The following ERC2 variants were observed in gnomAD, a reference collection of about 807,000 sequenced individuals.
ERC2 encodes the protein ERC protein 2.
A neutral mutation model predicts 114.8 loss-of-function variants in ERC2; 42 were observed. That is an observed-to-expected ratio of 0.37 (90% CI 0.29 to 0.47). ERC2 has a LOEUF of 0.47. Among genes scored for constraint, ERC2 ranks in the 20% least tolerant of loss-of-function variants. The probability of loss-of-function intolerance (pLI) is 0.99; values close to 1 mark genes in which losing one functional copy is unlikely to be tolerated. For synonymous variants in ERC2, 454 were observed against 425.5 expected (o/e 1.07, Z -0.82); for missense variants, 939 against 1,150.7 (o/e 0.82, Z 2.66).
chr3:56,405,720 C>G (rs954372132), intron 2 of ERC2, among the ~76,000 whole-genome samples: 1 of 151,982 alleles, frequency 6.6e-6, no homozygotes, highest in Non-Finnish European at 1.5e-5. Context: ...TGTCTGGATG[C>G]TATCTCATAA....
chr3:55,886,830 TGAA>T (rs1349310540), intron 14 of ERC2, among the ~76,000 whole-genome samples: 5 of 152,232 alleles, frequency 3.3e-5, no homozygotes, highest in Non-Finnish European at 5.9e-5. Flanking sequence ...AAATTATTGA[TGAA>T]GGTGATAATA....
At chr3:56,360,877 C>T (rs1039884694) in intron 2 of ERC2, among the ~76,000 whole-genome samples, 2 of 152,130 alleles carry the variant, frequency 1.3e-5, no homozygotes, top group African/African-American at 4.8e-5. Context: ...CACTACACTC[C>T]AACCTGGGTG....
intron 13 of ERC2, among the ~76,000 whole-genome samples, chr3:55,943,031 C>T (rs906722080): frequency 3.3e-5 from 5 of 152,180 alleles, no homozygotes; most frequent in Admixed American, 2.6e-4. Context: ...GTGTGTCATG[C>T]ACTGTAATTT....
intron 17 of ERC2, among the ~76,000 whole-genome samples, chr3:55,519,416 C>T (rs2052747691): frequency 6.6e-6 from 1 of 152,132 alleles, no homozygotes; most frequent in Non-Finnish European, 1.5e-5. Context: ...ATCCCAGGGC[C>T]CATTGATGCT....
intron 2 of ERC2, among the ~76,000 whole-genome samples, chr3:56,409,090 G>A (rs1049899512): frequency 6.6e-6 from 1 of 152,206 alleles, no homozygotes; most frequent in Admixed American, 6.5e-5. Flanking sequence ...CGGCTCCCGT[G>A]AGGCACCATG....
chr3:56,158,473 T>C (rs2081862971), intron 4 of ERC2, among the ~76,000 whole-genome samples: 1 of 152,156 alleles, frequency 6.6e-6, no homozygotes, highest in Non-Finnish European at 1.5e-5. Flanking sequence ...ACCTCTTTTT[T>C]ACAGATAAAA....
chr3:55,849,107 C>G (rs1450195189), intron 14 of ERC2, among the ~76,000 whole-genome samples: 1 of 152,190 alleles, frequency 6.6e-6, no homozygotes, highest in Non-Finnish European at 1.5e-5. Flanking sequence ...ATTCTGGGCA[C>G]AGTCACTCTC....
At chr3:56,307,828 GCACACACA>G (rs10576433) in intron 2 of ERC2, among the ~76,000 whole-genome samples, 1,890 of 147,634 alleles carry the variant, frequency 0.013, 28 homozygotes, top group South Asian at 0.04. Context: ...ACACACACTT[GCACACACA>G]CACACACACA....
intron 10 of ERC2, among the ~76,000 whole-genome samples, chr3:56,005,423 T>A (rs1292909933): frequency 6.6e-6 from 1 of 152,046 alleles, no homozygotes; most frequent in Non-Finnish European, 1.5e-5. Flanking sequence ...CACAGCTATG[T>A]TGAAAGAAAC....
At chr3:56,235,043 A>G (rs2050852963) in intron 3 of ERC2, among the ~76,000 whole-genome samples, 1 of 152,204 alleles carries the variant, frequency 6.6e-6, no homozygotes, top group African/African-American at 2.4e-5. Context: ...CCTTGAAACA[A>G]TCAATGCTTC....
chr3:55,531,049 C>T (rs2053634053), intron 17 of ERC2, among the ~76,000 whole-genome samples: 1 of 152,004 alleles, frequency 6.6e-6, no homozygotes, highest in South Asian at 2.1e-4. Context: ...TGATTTTTTT[C>T]CAAGTCTTTT....
chr3:55,861,694 C>T (rs1164236253), intron 14 of ERC2, among the ~76,000 whole-genome samples: 1 of 151,946 alleles, frequency 6.6e-6, no homozygotes, highest in African/African-American at 2.4e-5. Context: ...GACTATGTAC[C>T]CAAAGCCTTC....
intron 16 of ERC2, among the ~76,000 whole-genome samples, chr3:55,697,525 T>C (rs1050256761): frequency 1.3e-5 from 2 of 152,122 alleles, no homozygotes; most frequent in African/African-American, 4.8e-5. Context: ...GACACCCTAG[T>C]TTGTGATTAC....
intron 7 of ERC2, among the ~76,000 whole-genome samples, chr3:56,080,039 G>T (rs1421654783): frequency 6.6e-6 from 1 of 152,056 alleles, no homozygotes; most frequent in Non-Finnish European, 1.5e-5. Flanking sequence ...TTTCCTCTCT[G>T]GCCCCCTGTT....
At chr3:56,444,596 T>C (rs1215179766) in intron 1 of ERC2, among the ~76,000 whole-genome samples, 1 of 152,230 alleles carries the variant, frequency 6.6e-6, no homozygotes, top group South Asian at 2.1e-4. Flanking sequence ...GCTTAAGGAC[T>C]CTTGAACTAT....
At chr3:56,137,610 C>T (rs142868021) in intron 6 of ERC2, among the ~76,000 whole-genome samples, 157 of 152,332 alleles carry the variant, frequency 1.0e-3, no homozygotes, top group African/African-American at 3.7e-3. Flanking sequence ...CAGCCAAAGA[C>T]AACATGTAGA....
intron 3 of ERC2, among the ~76,000 whole-genome samples, chr3:56,182,030 G>GCTAAGCA (rs2083318468): frequency 1.3e-5 from 2 of 152,178 alleles, no homozygotes; most frequent in Non-Finnish European, 1.5e-5. Flanking sequence ...CTGACCTACA[G>GCTAAGCA]AGTCTGTGAG....
chr3:56,273,248 C>T (rs997177538), intron 3 of ERC2, among the ~76,000 whole-genome samples: 1 of 125,856 alleles, frequency 7.9e-6, no homozygotes, highest in Admixed American at 9.0e-5. Context: ...ACACCTCCCA[C>T]TTTTTTTTTC....
chr3:55,755,195 T>G (rs1271968782), intron 14 of ERC2, among the ~76,000 whole-genome samples: 2 of 152,178 alleles, frequency 1.3e-5, no homozygotes, highest in East Asian at 1.9e-4. Flanking sequence ...GAAATACTGG[T>G]TTGTCTGTAA....
Sources: allele counts gnomAD v4.1 joint callset (sites outside exome capture counted in the v4.1 genomes callset), GRCh38; gene constraint gnomAD v4.1.1; transcripts MANE v1.5; gene names NCBI Gene and HGNC (gene_info 2026-07-23, HGNC 2026-07-21).